ANK2: variants seen among roughly 807,000 people sequenced by gnomAD.
ANK2 encodes the protein ankyrin 2.
ANK2 carries 83 observed loss-of-function variants against 360.5 expected under a neutral mutation model. The ratio of observed to expected loss-of-function variants is 0.23; its 90% CI spans 0.19 to 0.28. The LOEUF (loss-of-function observed/expected upper bound fraction) is 0.28. ANK2 is among the 10% of genes least tolerant of loss of function. ANK2 has a pLI of 1.00. For missense variants in ANK2, 4,201 were observed against 4,795.7 expected, an observed-to-expected ratio of 0.88 and a Z score of 3.66; for synonymous variants, 1,740 against 1,759.5, an observed-to-expected ratio of 0.99 and a Z score of 0.28.
At chr4:113,002,199 A>G (rs1374268409) in intron 2 of ANK2, among the ~76,000 whole-genome samples, 1 of 152,250 alleles carries the variant, frequency 6.6e-6, no homozygotes, top group East Asian at 1.9e-4. Flanking sequence ...TGACCCAGCC[A>G]TCCCATTACT....
At chr4:113,040,910 C>A (rs2062787795) in intron 2 of ANK2, among the ~76,000 whole-genome samples, 1 of 152,042 alleles carries the variant, frequency 6.6e-6, no homozygotes, top group Admixed American at 6.6e-5. Context: ...AGAGCCCTTC[C>A]CCATGTGAGA....
chr4:112,983,399 G>T (rs575429605), intron 2 of ANK2, among the ~76,000 whole-genome samples: 10 of 151,442 alleles, frequency 6.6e-5, no homozygotes, highest in African/African-American at 2.4e-4. Flanking sequence ...AAAAGAGGCC[G>T]GGCGCAGTGG....
At chr4:112,843,573 G>A (rs190646977) in intron 1 of ANK2, among the ~76,000 whole-genome samples, 25 of 152,218 alleles carry the variant, frequency 1.6e-4, no homozygotes, top group Non-Finnish European at 3.2e-4. Context: ...TATGGAAAAG[G>A]TACTGAGAAT....
At chr4:113,237,520 G>T in intron 6 of ANK2, 79 bp from the exon 7 acceptor site, 1 of 1,395,610 alleles carries the variant, frequency 7.2e-7, no homozygotes. Context: ...ATACCCAATT[G>T]CAGCGAGCAG....
intron 1 of ANK2, among the ~76,000 whole-genome samples, chr4:113,071,182 C>CA (rs1451772396): frequency 6.6e-6 from 1 of 152,142 alleles, no homozygotes; most frequent in African/African-American, 2.4e-5. Context: ...GATTTTAAAA[C>CA]AAAACCTACA....
At chr4:113,322,942 T>C (rs777738623) in intron 26 of ANK2, among the ~76,000 whole-genome samples, 8 of 152,198 alleles carry the variant, frequency 5.3e-5, no homozygotes, top group Admixed American at 1.3e-4. Context: ...TTCTTTTAGA[T>C]GAGGAAAGTT....
the ANK2 span, among the ~76,000 whole-genome samples, chr4:112,739,488 C>T: frequency 6.6e-6 from 1 of 152,114 alleles, no homozygotes; most frequent in Non-Finnish European, 1.5e-5. Flanking sequence ...GTGGCTCGCA[C>T]CTGTAATCCC....
chr4:113,352,472 G>C (rs1158910122), intron 37 of ANK2, among the ~76,000 whole-genome samples: 1 of 152,068 alleles, frequency 6.6e-6, no homozygotes, highest in Non-Finnish European at 1.5e-5. Flanking sequence ...ATTTTATATA[G>C]TCTTTGTATA....
intron 1 of ANK2, among the ~76,000 whole-genome samples, chr4:113,170,347 C>G (rs2097901457): frequency 6.6e-6 from 1 of 152,218 alleles, no homozygotes; most frequent in African/African-American, 2.4e-5. Context: ...TTTGGCTCGT[C>G]ATGTCCTGCC....
At chr4:112,918,509 C>G (rs576717651) in intron 2 of ANK2, among the ~76,000 whole-genome samples, 2 of 152,142 alleles carry the variant, frequency 1.3e-5, no homozygotes, top group African/African-American at 4.8e-5. Context: ...ACATCCAAGT[C>G]CGGACACTAG....
At chr4:113,336,455 C>A in intron 30 of ANK2, 122 bp from the exon 31 acceptor site, 1 of 1,025,024 alleles carries the variant, frequency 9.8e-7, no homozygotes, top group Non-Finnish European at 1.4e-6. Context: ...TTGAAGCCCA[C>A]CAAACTTATT....
At chr4:112,757,264 C>T in the ANK2 span, among the ~76,000 whole-genome samples, 2 of 151,938 alleles carry the variant, frequency 1.3e-5, no homozygotes, top group African/African-American at 2.4e-5. Flanking sequence ...AGACGCCCGC[C>T]ACCAAGCCCG....
chr4:112,849,181 A>T (rs1353940074), intron 1 of ANK2, among the ~76,000 whole-genome samples: 1 of 152,246 alleles, frequency 6.6e-6, no homozygotes, highest in African/African-American at 2.4e-5. Flanking sequence ...TGACAACATA[A>T]TCTGCTATTT....
At chr4:112,786,733 G>A in the ANK2 span, among the ~76,000 whole-genome samples, 1 of 145,796 alleles carries the variant, frequency 6.9e-6, no homozygotes. Context: ...TGACAAATAA[G>A]AGTAAAATCA....
At chr4:113,155,354 T>C (rs892523294) in intron 1 of ANK2, among the ~76,000 whole-genome samples, 1 of 152,156 alleles carries the variant, frequency 6.6e-6, no homozygotes, top group Non-Finnish European at 1.5e-5. Flanking sequence ...ACACAGCTCA[T>C]GGCAAGTGAT....
chr4:112,750,546 G>T, the ANK2 span, among the ~76,000 whole-genome samples: 1 of 152,080 alleles, frequency 6.6e-6, no homozygotes, highest in African/African-American at 2.4e-5. Context: ...TGGGAAAGGG[G>T]TCCTGATCCA....
intron 26 of ANK2, among the ~76,000 whole-genome samples, chr4:113,322,920 CGTGAAGGTAAATTCTTTTAGAT>C (rs1563751508): frequency 6.6e-6 from 1 of 151,498 alleles, no homozygotes; most frequent in African/African-American, 2.4e-5. Context: ...TTTTTAGATA[CGTGAAGGTAAATTCTTTTAGAT>C]GAGGAAAGTT....
intron 2 of ANK2, among the ~76,000 whole-genome samples, chr4:112,965,004 G>A (rs1201533072): frequency 2.0e-5 from 3 of 152,092 alleles, no homozygotes. Context: ...CCTTTCTTTG[G>A]GGGTATATAC....
intron 2 of ANK2, among the ~76,000 whole-genome samples, chr4:113,010,886 A>G (rs796652357): frequency 6.6e-6 from 1 of 152,216 alleles, no homozygotes; most frequent in African/African-American, 2.4e-5. Flanking sequence ...AAATACATAC[A>G]TTAGGTAACA....
Sources: gnomAD v4.1 joint callset for allele counts (sites outside exome capture counted in the v4.1 genomes callset) on GRCh38, gnomAD v4.1.1 for gene constraint, MANE v1.5 for transcripts, NCBI Gene and HGNC (gene_info 2026-07-23, HGNC 2026-07-21) for gene names.